PAX5: variants seen among roughly 807,000 people sequenced by gnomAD.
PAX5 encodes paired box protein Pax-5.
Under a neutral mutation model 43.7 loss-of-function variants are expected in PAX5, and 9 were observed. That is an observed-to-expected ratio of 0.21 (90% CI 0.12 to 0.36). The LOEUF (loss-of-function observed/expected upper bound fraction) is 0.36. PAX5 is among the 10% of genes least tolerant of loss of function. PAX5 has a pLI of 1.00. For synonymous variants in PAX5, 228 were observed against 214.3 expected (o/e 1.06, Z -0.56); for missense variants, 383 against 532.7 (o/e 0.72, Z 2.77).
Position 36,837,253 on chromosome 9 carries a change from T to A in PAX5, c.*3307A>T, listed in dbSNP as rs1821708482. 1 of 233,154 alleles carries A rather than the reference T, an allele frequency of 4.3e-6. No homozygotes were observed. Among genetic ancestry groups the A allele is most frequent in the Admixed American group, 5.6e-5 (1 of 17,780 alleles). 14.4% of individuals were successfully genotyped at this position (233,154 alleles called of 1,614,324 possible). A position where few individuals can be genotyped will look rare whatever the true frequency, so the allele number is the denominator to read the frequency against. On this transcript the variant is annotated 3_prime_UTR_variant, in exon 10 of 10. Coordinates refer to ENST00000358127, the MANE Select transcript of PAX5 (RefSeq NM_016734.3). ...CCCGTCTATAAAGTAGGCATCATGC[T>A]CTTTGCTCCACAGAGTGGTTGAGGA...
rs1302165692 is a variant in PAX5 at position 37,034,180 on chromosome 9, C to T, written c.-149G>A. The T allele has an allele frequency of 1.5e-4, 92 of 613,410 alleles. No individual in the cohort carries two copies. Among genetic ancestry groups the T allele is most frequent in the Non-Finnish European group, 2.2e-4 (78 of 352,360 alleles). 38.0% of individuals were successfully genotyped at this position (613,410 alleles called of 1,614,324 possible). On this transcript the variant is annotated 5_prime_UTR_variant, in exon 1 of 10. Coordinates refer to ENST00000358127, the MANE Select transcript of PAX5 (RefSeq NM_016734.3). ...TAATTCAAGCCTTCCGCTCCCCCGCCGAGCTGGGGTAGCTGATCACTGAGC... is the reference window on the plus strand; with the variant it reads ...TAATTCAAGCCTTCCGCTCCCCCGCTGAGCTGGGGTAGCTGATCACTGAGC...
At chr9:36,996,568 G>T (rs551775322) in intron 5 of PAX5, among the ~76,000 whole-genome samples, 2 of 152,188 alleles carry the variant, frequency 1.3e-5, no homozygotes, top group Admixed American at 6.5e-5. Flanking sequence ...GCTCTGAGAG[G>T]GCTCTCCCCA....
chr9:36,975,310 C>A (rs1446540569), intron 5 of PAX5, among the ~76,000 whole-genome samples: 2 of 152,150 alleles, frequency 1.3e-5, no homozygotes, highest in Non-Finnish European at 2.9e-5. Context: ...GAAGCCTAGG[C>A]ACTCTGAACT....
At chr9:36,868,612 C>G (rs766403254) in intron 8 of PAX5, among the ~76,000 whole-genome samples, 3 of 152,100 alleles carry the variant, frequency 2.0e-5, no homozygotes, top group Admixed American at 6.5e-5. Context: ...GCAGGAAGAG[C>G]TCTTCCTGGG....
intron 8 of PAX5, among the ~76,000 whole-genome samples, chr9:36,851,178 T>C (rs1044524153): frequency 3.3e-5 from 5 of 152,176 alleles, no homozygotes; most frequent in African/African-American, 9.7e-5. Flanking sequence ...AGAATGTTAC[T>C]GGAAGAACAA....
In PAX5 at chr9:36,840,321, A is replaced by C. The variant is rs918437231; in HGVS notation, c.*239T>G. Reference sequence around the variant, plus strand: ...ACAGTCTATTGGTTTGCAGAGACCCAGTGGCCATCGGGAGAAGCTCATAGA... The same window carrying C: ...ACAGTCTATTGGTTTGCAGAGACCCCGTGGCCATCGGGAGAAGCTCATAGA... On this transcript the variant is annotated 3_prime_UTR_variant, in exon 10 of 10. Transcript: ENST00000358127. 2 of 605,880 alleles carry C rather than the reference A, an allele frequency of 3.3e-6. No homozygotes were observed. The highest frequency in any genetic ancestry group is 1.9e-5 in the African/African-American group (1 of 54,044). 37.5% of individuals were successfully genotyped at this position (605,880 alleles called of 1,614,324 possible).
intron 8 of PAX5, among the ~76,000 whole-genome samples, chr9:36,867,060 T>TG (rs964982948): frequency 9.5e-4 from 30 of 31,616 alleles, no homozygotes; most frequent in East Asian, 2.8e-3. Context: ...GATGGGGTGG[T>TG]GGGGGGGGGG....
intron 5 of PAX5, among the ~76,000 whole-genome samples, chr9:36,996,800 G>C (rs1269628272): frequency 6.6e-6 from 1 of 152,206 alleles, no homozygotes; most frequent in Non-Finnish European, 1.5e-5. Flanking sequence ...GCCTGAAAGA[G>C]ACAGGGGAAG....
At chr9:36,879,051 C>G (rs1240742227) in intron 8 of PAX5, among the ~76,000 whole-genome samples, 1 of 152,240 alleles carries the variant, frequency 6.6e-6, no homozygotes, top group Non-Finnish European at 1.5e-5. Flanking sequence ...GCAGGCTCCT[C>G]TGCCGAAGTG....
intron 7 of PAX5, among the ~76,000 whole-genome samples, chr9:36,896,874 G>A (rs991550661): frequency 1.2e-4 from 18 of 152,224 alleles, no homozygotes; most frequent in African/African-American, 4.3e-4. Flanking sequence ...AGCCAATCAG[G>A]CCTGGGTTCA....
intron 7 of PAX5, among the ~76,000 whole-genome samples, chr9:36,887,181 C>G (rs1486417355): frequency 6.6e-6 from 1 of 152,186 alleles, no homozygotes; most frequent in Non-Finnish European, 1.5e-5. Context: ...CTCGAGGGGA[C>G]TAGCCCTCCC....
intron 6 of PAX5, among the ~76,000 whole-genome samples, chr9:36,931,984 G>A (rs2132016701): frequency 6.6e-6 from 1 of 152,022 alleles, no homozygotes; most frequent in East Asian, 1.9e-4. Context: ...TTTTTAAAAG[G>A]TCTTGTCTGG....
chr9:36,931,025 G>C, intron 6 of PAX5: 1 of 480,336 alleles, frequency 2.1e-6, no homozygotes, highest in South Asian at 1.5e-5. Context: ...ATGGGGCAAG[G>C]CTGCAGGGCT....
chr9:37,010,056 A>G (rs1838795912), intron 3 of PAX5, among the ~76,000 whole-genome samples: 1 of 152,230 alleles, frequency 6.6e-6, no homozygotes, highest in South Asian at 2.1e-4. Flanking sequence ...GCTTACACTG[A>G]GAAGAAACTG....
intron 7 of PAX5, among the ~76,000 whole-genome samples, chr9:36,906,135 G>A (rs1241104064): frequency 6.6e-6 from 1 of 152,190 alleles, no homozygotes; most frequent in African/African-American, 2.4e-5. Context: ...TGGAGATGTG[G>A]TAGACAGAAG....
intron 6 of PAX5, among the ~76,000 whole-genome samples, chr9:36,954,283 C>G (rs1184165861): frequency 6.6e-6 from 1 of 152,026 alleles, no homozygotes; most frequent in Non-Finnish European, 1.5e-5. Flanking sequence ...GCCAAGAAAA[C>G]GTGTTGATTT....
intron 5 of PAX5, among the ~76,000 whole-genome samples, chr9:36,981,744 A>G (rs779316007): frequency 1.1e-4 from 16 of 152,260 alleles, no homozygotes; most frequent in Non-Finnish European, 7.3e-5. Context: ...GTGGTGGAGC[A>G]CAGAGAGCAA....
At chr9:36,879,604 A>G (rs1440960765) in intron 8 of PAX5, among the ~76,000 whole-genome samples, 2 of 152,150 alleles carry the variant, frequency 1.3e-5, no homozygotes, top group Non-Finnish European at 2.9e-5. Flanking sequence ...CTGGGGTTCA[A>G]GTCCTCCTCC....
intron 9 of PAX5, among the ~76,000 whole-genome samples, chr9:36,843,918 C>T (rs535900799): frequency 1.3e-5 from 2 of 152,292 alleles, no homozygotes; most frequent in Admixed American, 6.5e-5. Context: ...AGGCTGGGTG[C>T]TGGCTGGCAG....
Sources: gnomAD v4.1 joint callset for allele counts (sites outside exome capture counted in the v4.1 genomes callset) on GRCh38, gnomAD v4.1.1 for gene constraint, MANE v1.5 for transcripts, NCBI Gene and HGNC (gene_info 2026-07-23, HGNC 2026-07-21) for gene names.